Variants in RNF150 observed in about 807,000 individuals in gnomAD.
RNF150 encodes ring finger protein 150.
RNF150 carries 24 observed loss-of-function variants against 39.3 expected under a neutral mutation model. The observed-to-expected ratio is 0.61, with a 90% CI of 0.44 to 0.86. The LOEUF is 0.86. RNF150 is among the 40% of genes least tolerant of loss of function. The probability of loss-of-function intolerance (pLI) is 0.00; values close to 1 mark genes in which losing one functional copy is unlikely to be tolerated. For missense variants in RNF150, 502 were observed against 587.8 expected (o/e 0.85, Z 1.51); for synonymous variants, 255 against 227.3 (o/e 1.12, Z -1.10).
chr4:141,081,438 C>T (rs572968235), intron 1 of RNF150, among the ~76,000 whole-genome samples: 33 of 152,292 alleles, frequency 2.2e-4, no homozygotes, highest in African/African-American at 7.5e-4. Flanking sequence ...GTGCTTCCAT[C>T]GGACAGGGGC....
At chr4:141,139,351 T>A (rs774798266) in intron 1 of RNF150, among the ~76,000 whole-genome samples, 8 of 152,226 alleles carry the variant, frequency 5.3e-5, no homozygotes, top group Admixed American at 1.3e-4. Context: ...ACAGATGTAA[T>A]CATCTAGGTG....
intron 1 of RNF150, among the ~76,000 whole-genome samples, chr4:140,968,367 A>G (rs1433311463): frequency 6.6e-6 from 1 of 152,014 alleles, no homozygotes; most frequent in South Asian, 2.1e-4. Context: ...AGATCTCTCT[A>G]TATTATTTCC....
intron 1 of RNF150, among the ~76,000 whole-genome samples, chr4:141,148,176 C>G (rs1174742934): frequency 6.6e-6 from 1 of 152,020 alleles, no homozygotes; most frequent in East Asian, 1.9e-4. Context: ...TTGTCAAATA[C>G]AGGATGTATT....
rs1734121580 is a variant in RNF150 at position 140,989,451 on chromosome 4, A to G, written c.485-21578T>C. On this transcript the variant is annotated intron_variant, in intron 1 of 6. Transcript: ENST00000515673. ...AGCACTCCCCAAGTTCAACCTCCAT[A>G]GCGGCAAAAAGAAAAAACTGAGGCC... 2.0e-5 allele frequency among the ~76,000 whole-genome samples: 3 copies of G among 152,284 alleles called. No individual in the cohort carries two copies. The South Asian group carries it at 6.2e-4, about 32-fold the overall frequency.
At chr4:140,883,251 C>G (rs911500052) in intron 6 of RNF150, among the ~76,000 whole-genome samples, 1 of 151,860 alleles carries the variant, frequency 6.6e-6, no homozygotes, top group Non-Finnish European at 1.5e-5. Flanking sequence ...TTTTTTTCAC[C>G]TTTGTCCTTT....
At chr4:141,036,018 G>T (rs1293903271) in intron 1 of RNF150, among the ~76,000 whole-genome samples, 1 of 152,044 alleles carries the variant, frequency 6.6e-6, no homozygotes, top group Non-Finnish European at 1.5e-5. Context: ...AAGAAAGAAG[G>T]ATTGAGAACC....
chr4:141,141,168 A>AG (rs1727111925), intron 1 of RNF150, among the ~76,000 whole-genome samples: 1 of 152,238 alleles, frequency 6.6e-6, no homozygotes, highest in African/African-American at 2.4e-5. Context: ...ATTTCCCATA[A>AG]GCCAGGTCCT....
chr4:140,881,999 T>C (rs1393177362), intron 6 of RNF150, among the ~76,000 whole-genome samples: 1 of 152,140 alleles, frequency 6.6e-6, no homozygotes, highest in East Asian at 1.9e-4. Flanking sequence ...TTCAATCTTC[T>C]TAATTTTCTT....
chr4:141,194,680 T>C (rs1452450380), intron 1 of RNF150, among the ~76,000 whole-genome samples: 1 of 152,104 alleles, frequency 6.6e-6, no homozygotes, highest in East Asian at 1.9e-4. Flanking sequence ...ACCTCATATA[T>C]AGAAGGTACT....
intron 1 of RNF150, among the ~76,000 whole-genome samples, chr4:141,145,066 C>T (rs931902272): frequency 1.1e-4 from 16 of 151,992 alleles, no homozygotes; most frequent in African/African-American, 3.6e-4. Context: ...AGACATTTAC[C>T]TCATATTTGC....
At position 140,873,644 on chromosome 4, in the gene RNF150, G is replaced by C. The variant is rs968333060; in HGVS notation, c.1199-5265C>G. 7.9e-5 allele frequency among the ~76,000 whole-genome samples: 12 copies of C among 152,080 alleles called. 1 individual carries two copies. Among genetic ancestry groups the C allele is most frequent in the African/African-American group, 2.9e-4 (12 of 41,398 alleles). On this transcript the variant is annotated intron_variant, in intron 6 of 6. Coordinates refer to ENST00000515673, the MANE Select transcript of RNF150 (RefSeq NM_020724.2). ...TCAATCTTCTTATCACAATGTTACA[G>C]AGTGTCTGATTAGATGGAGCAGAAA...
At chr4:141,064,198 A>G (rs1218763774) in intron 1 of RNF150, among the ~76,000 whole-genome samples, 1 of 152,194 alleles carries the variant, frequency 6.6e-6, no homozygotes, top group Non-Finnish European at 1.5e-5. Flanking sequence ...AAGTGCTACT[A>G]ATTTTCCCAT....
At chr4:140,917,410 C>T (rs1336284506) in intron 5 of RNF150, among the ~76,000 whole-genome samples, 7 of 152,060 alleles carry the variant, frequency 4.6e-5, no homozygotes, top group Non-Finnish European at 7.4e-5. Context: ...ATAAAACAGA[C>T]TTTAAACCAA....
chr4:141,097,430 A>C (rs1365004295), intron 1 of RNF150, among the ~76,000 whole-genome samples: 4 of 152,180 alleles, frequency 2.6e-5, no homozygotes, highest in Non-Finnish European at 5.9e-5. Flanking sequence ...AATACAGAAA[A>C]TAGCTTATAA....
intron 1 of RNF150, among the ~76,000 whole-genome samples, chr4:140,992,858 A>T (rs1181755146): frequency 1.3e-5 from 2 of 152,100 alleles, no homozygotes; most frequent in Non-Finnish European, 2.9e-5. Flanking sequence ...GCTGGTGCAG[A>T]AGAGGGCAAC....
chr4:141,106,000 C>T (rs1739183261), intron 1 of RNF150, among the ~76,000 whole-genome samples: 1 of 152,204 alleles, frequency 6.6e-6, no homozygotes, highest in Non-Finnish European at 1.5e-5. Flanking sequence ...TTCAGTTTCA[C>T]TTCACCACAC....
At chr4:141,194,724 A>G (rs949720728) in intron 1 of RNF150, among the ~76,000 whole-genome samples, 2 of 152,176 alleles carry the variant, frequency 1.3e-5, no homozygotes, top group African/African-American at 4.8e-5. Context: ...GAACTGGCAT[A>G]TAAATAGGCT....
chr4:140,899,245 C>T (rs970445326), intron 6 of RNF150, among the ~76,000 whole-genome samples: 2 of 152,164 alleles, frequency 1.3e-5, no homozygotes, highest in African/African-American at 4.8e-5. Flanking sequence ...AAGGGCTGAA[C>T]CAAGTGTCAC....
At chr4:141,041,089 T>TA (rs200386670) in intron 1 of RNF150, among the ~76,000 whole-genome samples, 3 of 151,636 alleles carry the variant, frequency 2.0e-5, no homozygotes, top group Admixed American at 6.6e-5. Context: ...AACATTCATT[T>TA]AAAAAAAAAT....
Sources: gnomAD v4.1 joint callset for allele counts (sites outside exome capture counted in the v4.1 genomes callset) on GRCh38, gnomAD v4.1.1 for gene constraint, MANE v1.5 for transcripts, NCBI Gene and HGNC (gene_info 2026-07-23, HGNC 2026-07-21) for gene names.